The following ITGAE variants were observed in gnomAD, a reference collection of about 807,000 sequenced individuals.
The protein encoded by ITGAE is integrin alpha-E.
ITGAE carries 99 observed loss-of-function variants against 136.5 expected under a neutral mutation model. That is an observed-to-expected ratio of 0.73 (90% CI 0.62 to 0.86). ITGAE has a LOEUF of 0.86. ITGAE is among the 40% of genes least tolerant of loss of function. The probability of loss-of-function intolerance (pLI) is 0.00; values close to 1 mark genes in which losing one functional copy is unlikely to be tolerated. For missense variants in ITGAE, 1,447 were observed against 1,515.3 expected (o/e 0.95, Z 0.75); for synonymous variants, 613 against 591.8 (o/e 1.04, Z -0.52).
At chr17:3,755,750 A>G (rs2143024407) in intron 11 of ITGAE, 80 bp downstream of exon 11, 2 of 1,213,446 alleles carry the variant, frequency 1.6e-6, no homozygotes, top group South Asian at 2.6e-5. Flanking sequence ...CCTGGATGGG[A>G]GGCAGGAGTC....
chr17:3,777,510 GA>G (rs2052571314), intron 2 of ITGAE, 29 bp downstream of exon 2: 1 of 1,586,986 alleles, frequency 6.3e-7, no homozygotes, highest in Non-Finnish European at 8.6e-7. Context: ...CCCTCAGTCT[GA>G]AGGCCTCTTG....
At chr17:3,715,175 C>G (rs1040117280) in intron 30 of ITGAE, among the ~76,000 whole-genome samples, 3 of 152,182 alleles carry the variant, frequency 2.0e-5, no homozygotes, top group Non-Finnish European at 4.4e-5. Context: ...CCTGCTCTCC[C>G]GAGCAGCTGA....
chr17:3,761,821 C>G, intron 4 of ITGAE, 94 bp downstream of exon 4: 1 of 1,089,766 alleles, frequency 9.2e-7, no homozygotes, highest in Non-Finnish European at 1.4e-6. Flanking sequence ...TCGGGAACAG[C>G]ATGGCAGTCA....
chr17:3,771,970 C>G (rs1489646693), intron 2 of ITGAE, among the ~76,000 whole-genome samples: 1 of 151,788 alleles, frequency 6.6e-6, no homozygotes, highest in Non-Finnish European at 1.5e-5. Context: ...TTCAGACCCT[C>G]TAGTTCCTCC....
In ITGAE at chr17:3,743,570, G is replaced by A. The variant is rs1434525762; in HGVS notation, c.2367C>T (p.Tyr789=). The change falls in exon 19 of 31, where the codon TAC becomes TAT. Residue 789 remains tyrosine (Y), a synonymous_variant. Transcript: ENST00000263087. ...TCTGTCCCTCAGGGGTCTGGAGCTG[G>A]TAGCTGACTTTGACACTGGCATTGG... is the stretch of plus-strand genomic sequence containing the variant. ...CFSNASVKVS[Y]QLQTPEGQTD... 6 of 1,613,374 alleles carry A rather than the reference G, an allele frequency of 3.7e-6. No homozygotes were observed. The African/African-American group carries it at 6.7e-5, about 18-fold the overall frequency.
chr17:3,739,538 G>C (rs1370248506), intron 20 of ITGAE, among the ~76,000 whole-genome samples: 1 of 152,208 alleles, frequency 6.6e-6, no homozygotes, highest in Non-Finnish European at 1.5e-5. Flanking sequence ...GGGATGTCAA[G>C]AGACCCAGGT....
intron 20 of ITGAE, 141 bp downstream of exon 20, chr17:3,739,664 T>G (rs566402789): frequency 2.9e-6 from 2 of 697,756 alleles, no homozygotes; most frequent in East Asian, 2.7e-5. Flanking sequence ...TGAGGACATA[T>G]TGAGATAATA....
chr17:3,761,865 GC>G, intron 4 of ITGAE, 49 bp downstream of exon 4: 1 of 1,511,150 alleles, frequency 6.6e-7, no homozygotes, highest in Non-Finnish European at 9.2e-7. Context: ...AACCACGAGG[GC>G]TAGCACCAGC....
At chr17:3,800,011 C>T (rs1334295989) in intron 1 of ITGAE, among the ~76,000 whole-genome samples, 4 of 151,998 alleles carry the variant, frequency 2.6e-5, no homozygotes, top group Admixed American at 1.3e-4. Flanking sequence ...CCCAGCTACT[C>T]GGGAGGCTGA....
chr17:3,745,328 G>T (rs980612638), intron 18 of ITGAE, among the ~76,000 whole-genome samples: 3 of 152,052 alleles, frequency 2.0e-5, no homozygotes, highest in Non-Finnish European at 2.9e-5. Context: ...GTGCCATTAC[G>T]TGGTTCTTGA....
At position 3,725,149 on chromosome 17, in the gene ITGAE, T is replaced by C; in HGVS notation, c.3085-1405A>G. The stretch of plus-strand genomic sequence containing the variant: ...ACTGATGTGTCAGAGGTCTGCAGCA[T>C]CTATACCACTGCCACTTCTCTCTCT... On this transcript the variant is annotated intron_variant, in intron 26 of 30. Transcript: ENST00000263087. 2 of 1,614,184 alleles carry C rather than the reference T, an allele frequency of 1.2e-6. No individual in the cohort carries two copies. The highest frequency in any genetic ancestry group is 1.7e-6 in the Non-Finnish European group (2 of 1,180,034).
At chr17:3,724,400 G>T in intron 26 of ITGAE, 1 of 1,611,170 alleles carries the variant, frequency 6.2e-7, no homozygotes. Flanking sequence ...TGTGCGGCCA[G>T]CCCAGGGACG....
intron 1 of ITGAE, among the ~76,000 whole-genome samples, chr17:3,784,810 C>CTA (rs990398915): frequency 6.6e-6 from 1 of 152,166 alleles, no homozygotes; most frequent in Non-Finnish European, 1.5e-5. Context: ...TGTTCTCTGA[C>CTA]TATACTAGAA....
chr17:3,760,197 C>T lies in ITGAE; in HGVS notation c.689G>A (p.Arg230Lys), dbSNP rs775180046. 1.2e-6 allele frequency: 2 copies of T among 1,612,634 alleles called. No homozygotes were observed. Among genetic ancestry groups the T allele is most frequent in the Admixed American group, 3.3e-5 (2 of 59,990 alleles). ...CTCAAAACACTTTTCATAGAAGTTC[C>T]TCATCATGTTGGAGATGAAGTCTTT... ...RAKDFISNMMRNFYEKCFECN... is the reference protein window; with the variant it reads ...RAKDFISNMMKNFYEKCFECN... The change falls in exon 7 of 31, where the codon AGG becomes AAG. Residue 230 changes from arginine (R) to lysine (K), a missense_variant. Physicochemically the swap from Arg to Lys is conservative, Grantham distance 26. Transcript: ENST00000263087.
At chr17:3,747,499 C>T (rs1354742356) in intron 17 of ITGAE, among the ~76,000 whole-genome samples, 3 of 152,096 alleles carry the variant, frequency 2.0e-5, no homozygotes, top group African/African-American at 4.8e-5. Flanking sequence ...TTAGTAGAGA[C>T]GGTGTTTCAC....
intron 8 of ITGAE, among the ~76,000 whole-genome samples, chr17:3,758,089 C>T (rs150468736): frequency 2.2e-4 from 33 of 152,274 alleles, no homozygotes; most frequent in African/African-American, 7.2e-4. Flanking sequence ...AAGGTACTGC[C>T]TGGCAGTCCA....
rs12937007 is a variant in ITGAE at position 3,754,972 on chromosome 17, A to G, written c.1384+145T>C. ...CAGGTAGCCTCCAGGCCCCGCCCTCACCCAGGTAGCCCCCAGGCCCCACCC... is the reference window on the plus strand; with the variant it reads ...CAGGTAGCCTCCAGGCCCCGCCCTCGCCCAGGTAGCCCCCAGGCCCCACCC... On this transcript the variant is annotated intron_variant, in intron 12 of 30. Coordinates refer to ENST00000263087, the MANE Select transcript of ITGAE (RefSeq NM_002208.5). The G allele has an allele frequency of 2.1e-5, 12 of 579,312 alleles. No individual in the cohort carries two copies. In the South Asian group the frequency reaches 2.1e-4, roughly 10 times the overall value. 35.9% of individuals were successfully genotyped at this position (579,312 alleles called of 1,614,324 possible).
chr17:3,718,579 CA>C (rs2050985309), intron 29 of ITGAE, among the ~76,000 whole-genome samples: 1 of 152,198 alleles, frequency 6.6e-6, no homozygotes, highest in Non-Finnish European at 1.5e-5. Flanking sequence ...CTCATAGAGT[CA>C]CTGTAAGTCA....
chr17:3,744,608 C>A (rs984361895), intron 18 of ITGAE, among the ~76,000 whole-genome samples: 14 of 152,050 alleles, frequency 9.2e-5, no homozygotes, highest in African/African-American at 3.1e-4. Context: ...CCACGCCTGG[C>A]TAATTTTTGT....
Sources: gnomAD v4.1 joint callset for allele counts (sites outside exome capture counted in the v4.1 genomes callset) on GRCh38, gnomAD v4.1.1 for gene constraint, MANE v1.5 for transcripts, NCBI Gene and HGNC (gene_info 2026-07-23, HGNC 2026-07-21) for gene names.